The following AFG2A variants were observed in gnomAD, a reference collection of about 807,000 sequenced individuals.
AFG2A encodes AAA ATPase AFG2A.
At chr4:123,316,921 A>T in the AFG2A span, 1 of 152,182 alleles carries the variant, frequency 6.6e-6, no homozygotes, top group East Asian at 1.9e-4. Context: ...TTTTTAAAAC[A>T]TTTTTTAAAA....
chr4:123,114,642 G>A, the AFG2A span, among the ~76,000 whole-genome samples: 1 of 152,222 alleles, frequency 6.6e-6, no homozygotes, highest in East Asian at 1.9e-4. Flanking sequence ...GTACTCGAGA[G>A]CACCAGGAGA....
the AFG2A span, among the ~76,000 whole-genome samples, chr4:123,170,488 T>C: frequency 1.3e-5 from 2 of 152,238 alleles, no homozygotes; most frequent in Non-Finnish European, 2.9e-5. Flanking sequence ...GCATTCATTT[T>C]GTCTCCTGGT....
chr4:123,098,339 G>A, the AFG2A span, among the ~76,000 whole-genome samples: 1 of 151,998 alleles, frequency 6.6e-6, no homozygotes, highest in African/African-American at 2.4e-5. Context: ...TATTTAACAT[G>A]TGCATTACTT....
the AFG2A span, among the ~76,000 whole-genome samples, chr4:123,129,789 A>T: frequency 6.6e-6 from 1 of 152,156 alleles, no homozygotes; most frequent in Non-Finnish European, 1.5e-5. Flanking sequence ...TTCAGCTCAG[A>T]TCTTTGCTCT....
At chr4:123,137,906 A>G in the AFG2A span, among the ~76,000 whole-genome samples, 1 of 152,166 alleles carries the variant, frequency 6.6e-6, no homozygotes. Flanking sequence ...CTTAGAGTTA[A>G]TATTTTATCA....
the AFG2A span, among the ~76,000 whole-genome samples, chr4:123,209,115 T>C: frequency 5.9e-5 from 9 of 152,208 alleles, no homozygotes; most frequent in Admixed American, 6.5e-5. Flanking sequence ...TGCTGAGTTA[T>C]GTGAGCCACT....
chr4:123,106,590 G>A, the AFG2A span, among the ~76,000 whole-genome samples: 4 of 152,206 alleles, frequency 2.6e-5, no homozygotes, highest in Non-Finnish European at 4.4e-5. Flanking sequence ...TTGGAGGTAA[G>A]GCCTCCTGCT....
the AFG2A span, among the ~76,000 whole-genome samples, chr4:123,096,414 A>G: frequency 1.3e-5 from 2 of 152,010 alleles, no homozygotes; most frequent in African/African-American, 4.8e-5. Context: ...TAAATGCCCA[A>G]ACTTTTGGAA....
chr4:123,071,311 T>C, the AFG2A span, among the ~76,000 whole-genome samples: 1 of 152,080 alleles, frequency 6.6e-6, no homozygotes, highest in Admixed American at 6.6e-5. Context: ...AGAAACCCCG[T>C]CTCTACTAAA....
At chr4:123,070,352 A>G in the AFG2A span, among the ~76,000 whole-genome samples, 1 of 152,052 alleles carries the variant, frequency 6.6e-6, no homozygotes, top group Non-Finnish European at 1.5e-5. Context: ...GATCCTTTAT[A>G]TGTTTTATTT....
At chr4:123,239,681 A>G in the AFG2A span, among the ~76,000 whole-genome samples, 2,131 of 152,328 alleles carry the variant, frequency 0.014, 57 homozygotes, top group African/African-American at 0.048. Flanking sequence ...TGAAGGAAGC[A>G]CTAAACAAGG....
chr4:123,070,964 A>G, the AFG2A span, among the ~76,000 whole-genome samples: 1 of 152,156 alleles, frequency 6.6e-6, no homozygotes, highest in Admixed American at 6.5e-5. Context: ...TAGATCTGTG[A>G]TATTAGGAAA....
the AFG2A span, among the ~76,000 whole-genome samples, chr4:123,229,953 T>A: frequency 3.3e-5 from 5 of 152,014 alleles, no homozygotes; most frequent in African/African-American, 1.2e-4. Context: ...GAATTATGTC[T>A]AAAAAAACAA....
chr4:123,253,746 G>A, the AFG2A span, among the ~76,000 whole-genome samples: 1 of 152,102 alleles, frequency 6.6e-6, no homozygotes. Context: ...ACAATAATTG[G>A]GTTGTTATGA....
chr4:122,947,311 G>A, the AFG2A span: 3 of 1,613,748 alleles, frequency 1.9e-6, no homozygotes, highest in Non-Finnish European at 2.5e-6. Flanking sequence ...CCGAAGACCT[G>A]GGCGATTTGA....
chr4:123,238,664 A>G, the AFG2A span, among the ~76,000 whole-genome samples: 1 of 152,192 alleles, frequency 6.6e-6, no homozygotes. Flanking sequence ...CTTCCACACA[A>G]AAACCCCATC....
At chr4:122,959,577 A>C in the AFG2A span, among the ~76,000 whole-genome samples, 3 of 152,330 alleles carry the variant, frequency 2.0e-5, no homozygotes, top group Admixed American at 6.5e-5. Flanking sequence ...CTTTTTAACA[A>C]AAGTTGTGCA....
At chr4:123,059,081 C>A in the AFG2A span, among the ~76,000 whole-genome samples, 2 of 151,794 alleles carry the variant, frequency 1.3e-5, no homozygotes, top group Admixed American at 6.6e-5. Context: ...GGCTAAAGGC[C>A]CCATGCAAGT....
the AFG2A span, among the ~76,000 whole-genome samples, chr4:122,993,957 T>G: frequency 5.3e-5 from 8 of 152,244 alleles, no homozygotes; most frequent in African/African-American, 1.9e-4. Context: ...TTTATATCCT[T>G]AGTACTTAGC....
Sources: allele counts gnomAD v4.1 joint callset (sites outside exome capture counted in the v4.1 genomes callset), GRCh38; gene constraint gnomAD v4.1.1; transcripts MANE v1.5; gene names NCBI Gene and HGNC (gene_info 2026-07-23, HGNC 2026-07-21).